PLA2G4E: variants seen among roughly 807,000 people sequenced by gnomAD.
PLA2G4E encodes the protein phospholipase A2 group IVE.
In PLA2G4E, 84 loss-of-function variants were observed where a neutral mutation model predicts 109.1. That is an observed-to-expected ratio of 0.77 (90% CI 0.65 to 0.92). PLA2G4E has a LOEUF of 0.92. Ranked by LOEUF, PLA2G4E falls within the 40% of genes least tolerant of loss-of-function variation. The probability of loss-of-function intolerance (pLI) is 0.00; values close to 1 mark genes in which losing one functional copy is unlikely to be tolerated. For missense variants in PLA2G4E, 1,057 were observed against 1,076.6 expected, an observed-to-expected ratio of 0.98 and a Z score of 0.25; for synonymous variants, 469 against 436.1, an observed-to-expected ratio of 1.08 and a Z score of -0.94.
chr15:42,004,210 G>C (rs1424692762), intron 5 of PLA2G4E, among the ~76,000 whole-genome samples: 1 of 152,174 alleles, frequency 6.6e-6, no homozygotes, highest in Non-Finnish European at 1.5e-5. Context: ...GCTGAGGGAG[G>C]AGAATCGCTT....
chr15:42,012,182 T>C (rs996936487), intron 2 of PLA2G4E, among the ~76,000 whole-genome samples: 3 of 152,134 alleles, frequency 2.0e-5, no homozygotes, highest in African/African-American at 4.8e-5. Context: ...CAGCCCTGCA[T>C]TGGAGTGACA....
intron 1 of PLA2G4E, among the ~76,000 whole-genome samples, chr15:42,049,649 A>T (rs563920938): frequency 1.5e-4 from 23 of 152,272 alleles, no homozygotes; most frequent in Non-Finnish European, 1.9e-4. Flanking sequence ...GCCAGATAGA[A>T]GGAGGCAGAG....
chr15:41,985,002 A>G (rs2141019762), intron 18 of PLA2G4E, among the ~76,000 whole-genome samples: 1 of 152,332 alleles, frequency 6.6e-6, no homozygotes, highest in African/African-American at 2.4e-5. Flanking sequence ...GTACAGGGCT[A>G]GAAAAGACTC....
At chr15:42,033,829 T>G (rs1293994668) in intron 1 of PLA2G4E, among the ~76,000 whole-genome samples, 1 of 152,126 alleles carries the variant, frequency 6.6e-6, no homozygotes, top group Non-Finnish European at 1.5e-5. Flanking sequence ...GGGGATGGGC[T>G]CAAGCCTCCT....
chr15:42,013,494 T>C (rs1340299219), intron 2 of PLA2G4E, among the ~76,000 whole-genome samples, 191 bp downstream of exon 2: 1 of 152,082 alleles, frequency 6.6e-6, no homozygotes, highest in African/African-American at 2.4e-5. Context: ...AACCCCAAAG[T>C]CTGAACTACA....
chr15:42,010,137 C>CCCG (rs773556282), intron 2 of PLA2G4E: 28 of 474,482 alleles, frequency 5.9e-5, no homozygotes, highest in Admixed American at 1.4e-4. Flanking sequence ...CACTGGCCCC[C>CCCG]CCACCCCGGG....
intron 7 of PLA2G4E, 114 bp downstream of exon 7, chr15:42,001,043 T>C: frequency 9.1e-7 from 1 of 1,093,604 alleles, no homozygotes; most frequent in Non-Finnish European, 1.3e-6. Context: ...TCAGCCGAGC[T>C]TTTGGTCCCC....
At chr15:42,036,478 C>A (rs1187204922) in intron 1 of PLA2G4E, among the ~76,000 whole-genome samples, 3 of 152,138 alleles carry the variant, frequency 2.0e-5, no homozygotes, top group South Asian at 4.1e-4. Flanking sequence ...TTGCTGCCAT[C>A]GCCGAGGATG....
At chr15:42,038,401 C>A (rs1889254858) in intron 1 of PLA2G4E, among the ~76,000 whole-genome samples, 1 of 152,154 alleles carries the variant, frequency 6.6e-6, no homozygotes, top group Admixed American at 6.5e-5. Flanking sequence ...TCAGTGGGAG[C>A]CCTGAACTTG....
intron 12 of PLA2G4E, among the ~76,000 whole-genome samples, chr15:41,993,456 T>A (rs1434733026): frequency 1.3e-5 from 2 of 152,186 alleles, no homozygotes; most frequent in Non-Finnish European, 2.9e-5. Context: ...AAACCCAGGC[T>A]CGACTGATTA....
At chr15:41,990,728 C>A (rs1401994341) in intron 13 of PLA2G4E, among the ~76,000 whole-genome samples, 1 of 128,410 alleles carries the variant, frequency 7.8e-6, no homozygotes, top group South Asian at 2.8e-4. Context: ...CTCCCTCCCT[C>A]CCCTCCTCTT....
intron 1 of PLA2G4E, among the ~76,000 whole-genome samples, chr15:42,019,896 G>A (rs1047563228): frequency 2.6e-5 from 4 of 152,204 alleles, no homozygotes; most frequent in African/African-American, 9.7e-5. Flanking sequence ...TTGGGGTCCC[G>A]GGCTCTTAAC....
intron 11 of PLA2G4E, among the ~76,000 whole-genome samples, chr15:41,996,707 G>C (rs2068348029): frequency 6.6e-6 from 1 of 152,240 alleles, no homozygotes; most frequent in African/African-American, 2.4e-5. Flanking sequence ...TTATTTCTGG[G>C]AGTGTGTTTA....
At chr15:42,006,033 C>G (rs2068473135) in exon 4 of PLA2G4E, 1 of 1,613,972 alleles carries the variant, frequency 6.2e-7, no homozygotes, top group South Asian at 1.1e-5. Flanking sequence ...CTTTCGGAAA[C>G]AGAGCTTGGT....
chr15:42,007,460 T>G (rs910708039), intron 3 of PLA2G4E, among the ~76,000 whole-genome samples: 2 of 152,146 alleles, frequency 1.3e-5, no homozygotes, highest in Non-Finnish European at 2.9e-5. Context: ...CAATCTGTTT[T>G]GGATTAAGAG....
At chr15:42,006,237 C>T in intron 3 of PLA2G4E, 116 bp from the exon 4 acceptor site, 1 of 1,288,112 alleles carries the variant, frequency 7.8e-7, no homozygotes, top group East Asian at 2.4e-5. Flanking sequence ...TGGGAGACAG[C>T]CCAGAAGTCC....
At chr15:42,013,495 C>G (rs564723366) in intron 2 of PLA2G4E, among the ~76,000 whole-genome samples, 190 bp downstream of exon 2, 12 of 152,324 alleles carry the variant, frequency 7.9e-5, no homozygotes, top group Non-Finnish European at 1.2e-4. Flanking sequence ...ACCCCAAAGT[C>G]TGAACTACAA....
intron 1 of PLA2G4E, among the ~76,000 whole-genome samples, chr15:42,048,040 G>A (rs1811910118): frequency 6.6e-6 from 1 of 152,192 alleles, no homozygotes; most frequent in African/African-American, 2.4e-5. Context: ...CATAATGACG[G>A]TTTGGTTAAC....
At chr15:42,016,024 C>T (rs1161603806) in intron 1 of PLA2G4E, among the ~76,000 whole-genome samples, 2 of 152,156 alleles carry the variant, frequency 1.3e-5, no homozygotes, top group Non-Finnish European at 2.9e-5. Context: ...TGCCTACCAA[C>T]CGAATGTCTG....
Sources: allele counts gnomAD v4.1 joint callset (sites outside exome capture counted in the v4.1 genomes callset), GRCh38; gene constraint gnomAD v4.1.1; transcripts MANE v1.5; gene names NCBI Gene and HGNC (gene_info 2026-07-23, HGNC 2026-07-21).